Variants in MIPOL1 observed in about 807,000 individuals in gnomAD.
MIPOL1 encodes the protein mirror-image polydactyly 1.
In MIPOL1, 57 loss-of-function variants were observed where a neutral mutation model predicts 60.9. The observed-to-expected ratio is 0.94, with a 90% CI of 0.76 to 1.17. The LOEUF (loss-of-function observed/expected upper bound fraction) is 1.17. Ranked by LOEUF, MIPOL1 falls within the 50% of genes most tolerant of loss-of-function variation. The pLI, the probability that MIPOL1 is intolerant of heterozygous loss-of-function variation, is 0.00. For missense variants in MIPOL1, 551 were observed against 511.6 expected (o/e 1.08, Z -0.74); for synonymous variants, 179 against 168.8 (o/e 1.06, Z -0.47).
At position 37,402,142 on chromosome 14, in the gene MIPOL1, T is replaced by C. The variant is rs139379151; in HGVS notation, c.937-20713T>C. Among the ~76,000 whole-genome samples, 355 of 152,244 alleles carry C rather than the reference T, an allele frequency of 2.3e-3. 2 individuals carry two copies. The highest frequency in any genetic ancestry group is 8.2e-3 in the African/African-American group (339 of 41,554). ...TATGCATGCTGGGTAAAGCTAAATA[T>C]CTTTCTGTGATATGATTATATATCA... On this transcript the variant is annotated intron_variant, in intron 10 of 12. Coordinates refer to ENST00000684589, the MANE Select transcript of MIPOL1 (RefSeq NM_001388067.1).
At chr14:37,414,455 A>G (rs1043497580) in intron 10 of MIPOL1, among the ~76,000 whole-genome samples, 3 of 152,076 alleles carry the variant, frequency 2.0e-5, no homozygotes, top group Non-Finnish European at 4.4e-5. Flanking sequence ...CATGTGTATC[A>G]TGTTTGTCAG....
At chr14:37,242,171 A>G (rs1972464809) in intron 1 of MIPOL1, among the ~76,000 whole-genome samples, 2 of 152,142 alleles carry the variant, frequency 1.3e-5, no homozygotes, top group African/African-American at 4.8e-5. Context: ...TAGAAGTAAT[A>G]CATGCACCCA....
intron 1 of MIPOL1, among the ~76,000 whole-genome samples, chr14:37,244,854 A>C (rs1027505739): frequency 5.3e-5 from 8 of 152,162 alleles, no homozygotes; most frequent in African/African-American, 1.9e-4. Flanking sequence ...TGTCCTAAAA[A>C]AGAAGTATAA....
chr14:37,500,867 T>C (rs757586385), intron 12 of MIPOL1, among the ~76,000 whole-genome samples: 2 of 152,194 alleles, frequency 1.3e-5, no homozygotes, highest in African/African-American at 2.4e-5. Context: ...TATTTTAACC[T>C]TCTTTATGTA....
At chr14:37,244,366 C>G (rs1209518814) in intron 1 of MIPOL1, among the ~76,000 whole-genome samples, 11 of 151,798 alleles carry the variant, frequency 7.2e-5, no homozygotes, top group Non-Finnish European at 1.5e-5. Flanking sequence ...TGTGATCCGC[C>G]AGCCTTGGCC....
chr14:37,406,100 G>A (rs2093582835), intron 10 of MIPOL1, among the ~76,000 whole-genome samples: 1 of 151,928 alleles, frequency 6.6e-6, no homozygotes, highest in Non-Finnish European at 1.5e-5. Context: ...TAATTTGATA[G>A]ACAATTATTA....
chr14:37,433,937 G>A (rs1397921100), intron 11 of MIPOL1, among the ~76,000 whole-genome samples: 1 of 152,162 alleles, frequency 6.6e-6, no homozygotes, highest in African/African-American at 2.4e-5. Flanking sequence ...TATCATTGAT[G>A]GGCATTTGGG....
chr14:37,412,440 T>C (rs945453226), intron 10 of MIPOL1, among the ~76,000 whole-genome samples: 5 of 152,080 alleles, frequency 3.3e-5, no homozygotes, highest in African/African-American at 9.7e-5. Context: ...AATAGATAAA[T>C]AAATTGTGGT....
intron 9 of MIPOL1, among the ~76,000 whole-genome samples, chr14:37,339,683 CACAA>C (rs1355694869): frequency 6.6e-6 from 1 of 152,182 alleles, no homozygotes; most frequent in African/African-American, 2.4e-5. Flanking sequence ...CTCTCACACA[CACAA>C]ACATAGATGA....
intron 10 of MIPOL1, among the ~76,000 whole-genome samples, chr14:37,398,624 A>G (rs2093423407): frequency 6.6e-6 from 1 of 152,168 alleles, no homozygotes; most frequent in Admixed American, 6.5e-5. Context: ...AAAACATTAA[A>G]CAGTTTTGCG....
At chr14:37,218,924 C>CA (rs150658949) in intron 1 of MIPOL1, among the ~76,000 whole-genome samples, 4,311 of 106,474 alleles carry the variant, frequency 0.04, 92 homozygotes, top group African/African-American at 0.071. Flanking sequence ...GACCCTATTT[C>CA]AAAAAAAAAA....
At position 37,283,991 on chromosome 14, in the gene MIPOL1, A is replaced by G. The variant is rs2153408834; in HGVS notation, c.494-1327A>G. On this transcript the variant is annotated intron_variant, in intron 6 of 12. Coordinates refer to ENST00000684589, the MANE Select transcript of MIPOL1 (RefSeq NM_001388067.1). ...TTTGGCCTCCCAAAGTGCTGGGATT[A>G]CAGGTGTGAGCCACCATGCCCAGCC... is the stretch of plus-strand genomic sequence containing the variant. 2.6e-5 allele frequency among the ~76,000 whole-genome samples: 4 copies of G among 152,288 alleles called. 1 individual carries two copies. The Middle Eastern group carries it at 0.014, about 518-fold the overall frequency.
chr14:37,464,886 G>GT (rs1351135750), intron 11 of MIPOL1, among the ~76,000 whole-genome samples: 3 of 151,990 alleles, frequency 2.0e-5, no homozygotes, highest in Non-Finnish European at 4.4e-5. Context: ...ACAAATTTTT[G>GT]TTTTTTTATT....
At chr14:37,375,273 A>G (rs2092744215) in intron 10 of MIPOL1, among the ~76,000 whole-genome samples, 1 of 152,028 alleles carries the variant, frequency 6.6e-6, no homozygotes, top group Admixed American at 6.6e-5. Flanking sequence ...CAGTGTCACA[A>G]TCACAGCTCA....
At chr14:37,299,835 A>T (rs984368632) in intron 7 of MIPOL1, among the ~76,000 whole-genome samples, 1 of 151,988 alleles carries the variant, frequency 6.6e-6, no homozygotes, top group African/African-American at 2.4e-5. Flanking sequence ...CTAGGATCCT[A>T]TGCAGGATTG....
intron 1 of MIPOL1, among the ~76,000 whole-genome samples, chr14:37,214,518 A>C (rs1967250990): frequency 6.6e-6 from 1 of 152,214 alleles, no homozygotes; most frequent in Non-Finnish European, 1.5e-5. Flanking sequence ...TAAAGAAAAA[A>C]CATAAAATAA....
At chr14:37,241,018 C>T (rs1016786901) in intron 1 of MIPOL1, among the ~76,000 whole-genome samples, 1 of 151,970 alleles carries the variant, frequency 6.6e-6, no homozygotes, top group Admixed American at 6.6e-5. Context: ...TAACAAGTCC[C>T]AAGATCTGCA....
At chr14:37,336,003 TTTC>T (rs1338258063) in intron 9 of MIPOL1, among the ~76,000 whole-genome samples, 1 of 152,028 alleles carries the variant, frequency 6.6e-6, no homozygotes, top group Non-Finnish European at 1.5e-5. Flanking sequence ...TTCCCTGTAT[TTTC>T]TTCTAAGAGT....
In MIPOL1 at chr14:37,548,852, G is replaced by A. The variant is rs1594951364; in HGVS notation, c.*1881G>A. On this transcript the variant is annotated 3_prime_UTR_variant, in exon 13 of 13. Transcript: ENST00000684589. ...TTTCTACGCTTAAATGATCAAATTAGAAAAACCAATTCCTATAATTAATAT... is the reference window on the plus strand; with the variant it reads ...TTTCTACGCTTAAATGATCAAATTAAAAAAACCAATTCCTATAATTAATAT... 1 of 151,952 alleles carries A rather than the reference G, an allele frequency of 6.6e-6. No homozygotes were observed. The highest frequency in any genetic ancestry group is 2.4e-5 in the African/African-American group (1 of 41,522). The allele number at this position is 151,952 out of a possible 1,614,324, so 9.4% of individuals were successfully genotyped here.
Sources: allele counts gnomAD v4.1 joint callset (sites outside exome capture counted in the v4.1 genomes callset), GRCh38; gene constraint gnomAD v4.1.1; transcripts MANE v1.5; gene names NCBI Gene and HGNC (gene_info 2026-07-23, HGNC 2026-07-21).